The following ZRANB3 variants were observed in gnomAD, a reference collection of about 807,000 sequenced individuals.
The protein encoded by ZRANB3 is DNA annealing helicase and endonuclease ZRANB3.
In ZRANB3, 125 loss-of-function variants were observed where a neutral mutation model predicts 133.8. The observed-to-expected ratio is 0.93, with a 90% confidence interval of 0.81 to 1.08. The LOEUF (loss-of-function observed/expected upper bound fraction) is 1.08, where lower values mean the gene tolerates loss of function less well. ZRANB3 is among the 50% of genes least tolerant of loss of function. ZRANB3 has a pLI of 0.00. For missense variants in ZRANB3, 1,229 were observed against 1,275.5 expected (o/e 0.96, Z 0.56); for synonymous variants, 387 against 432.7 (o/e 0.89, Z 1.31).
At chr2:135,508,311 G>T (rs1693288390) in intron 1 of ZRANB3, among the ~76,000 whole-genome samples, 1 of 151,980 alleles carries the variant, frequency 6.6e-6, no homozygotes, top group African/African-American at 2.4e-5. Context: ...CTAATTTTTT[G>T]TATTTTTAGT....
chr2:135,389,777 G>A (rs958190223), intron 3 of ZRANB3, among the ~76,000 whole-genome samples: 5 of 151,984 alleles, frequency 3.3e-5, no homozygotes, highest in Admixed American at 3.3e-4. Flanking sequence ...TAATTAATTG[G>A]GAGAAGTTTT....
chr2:135,515,566 T>A (rs552268691), intron 1 of ZRANB3, among the ~76,000 whole-genome samples: 1 of 152,316 alleles, frequency 6.6e-6, no homozygotes, highest in Admixed American at 6.5e-5. Context: ...AGGAGCAGGT[T>A]GTTCAGTTTC....
Position 135,202,844 on chromosome 2 carries a change from G to C in ZRANB3, c.3129C>G (p.Val1043=), listed in dbSNP as rs939332357. 1.1e-5 allele frequency: 17 copies of C among 1,608,184 alleles called. No individual in the cohort carries two copies. The highest frequency in any genetic ancestry group is 1.4e-5 in the Non-Finnish European group (16 of 1,177,258). The change falls in exon 20 of 21, where the codon GTC becomes GTG. Residue 1043 remains valine (V), a synonymous_variant. Transcript: ENST00000264159. ...SLDNLQTLCT[V]CHKERTARQA... ...GAGCTTCACTGACCTCTTTGTGACA[G>C]ACTGTGCAGAGAGTCTGCAGGTTGT...
chr2:135,387,728 G>A (rs934116018), intron 3 of ZRANB3, among the ~76,000 whole-genome samples: 1 of 152,136 alleles, frequency 6.6e-6, no homozygotes, highest in Non-Finnish European at 1.5e-5. Flanking sequence ...TGGACAGGAA[G>A]GTGGAAGTTT....
intron 2 of ZRANB3, among the ~76,000 whole-genome samples, chr2:135,426,374 C>G (rs576320011): frequency 1.3e-5 from 2 of 151,968 alleles, no homozygotes; most frequent in African/African-American, 4.8e-5. Flanking sequence ...CTGGCAGAGC[C>G]ACAACAACAA....
intron 17 of ZRANB3, among the ~76,000 whole-genome samples, chr2:135,209,777 C>T (rs1011815093): frequency 2.6e-5 from 4 of 152,116 alleles, no homozygotes; most frequent in Middle Eastern, 6.8e-3. Context: ...ACATGAATTT[C>T]TTAATATTAT....
At chr2:135,365,491 T>G (rs532940693) in intron 3 of ZRANB3, among the ~76,000 whole-genome samples, 37 of 152,296 alleles carry the variant, frequency 2.4e-4, no homozygotes, top group African/African-American at 8.9e-4. Context: ...GAACAATAAC[T>G]TGCATCACTA....
chr2:135,400,256 AAAAT>A (rs148153663), intron 2 of ZRANB3, among the ~76,000 whole-genome samples: 7,786 of 151,804 alleles, frequency 0.051, 674 homozygotes, highest in African/African-American at 0.18. Context: ...AGTAATAATA[AAAAT>A]AAATAAATAA....
At chr2:135,522,068 CAGGGG>C (rs1693969489) in intron 1 of ZRANB3, among the ~76,000 whole-genome samples, 1 of 152,154 alleles carries the variant, frequency 6.6e-6, no homozygotes, top group African/African-American at 2.4e-5. Flanking sequence ...TCCCTTGAAG[CAGGGG>C]AGTATAATCA....
In ZRANB3 at chr2:135,224,529, G is replaced by C. The variant is rs766720801; in HGVS notation, c.2159-12C>G. ...ACTCTTCCACTGTTCTATTAAAGAA[G>C]ACAAAAGAGAACCTGAAGGCTTATC... On this transcript the variant is annotated splice_polypyrimidine_tract_variant and intron_variant, in intron 14 of 20. Transcript: ENST00000264159. 4 of 1,601,504 alleles carry C rather than the reference G, an allele frequency of 2.5e-6. No individual in the cohort carries two copies. Among genetic ancestry groups the C allele is most frequent in the Middle Eastern group, 3.3e-4 (2 of 6,056 alleles).
chr2:135,333,075 T>G (rs887677053), intron 6 of ZRANB3, among the ~76,000 whole-genome samples: 1 of 152,222 alleles, frequency 6.6e-6, no homozygotes. Flanking sequence ...ATTACAAATC[T>G]GCAGTTGCTG....
At chr2:135,342,022 G>A (rs1214778943) in intron 6 of ZRANB3, among the ~76,000 whole-genome samples, 1 of 149,894 alleles carries the variant, frequency 6.7e-6, no homozygotes, top group Non-Finnish European at 1.5e-5. Flanking sequence ...TATTGCCCTT[G>A]AAGCATGTGA....
intron 10 of ZRANB3, chr2:135,271,242 T>C: frequency 2.1e-6 from 1 of 465,724 alleles, no homozygotes; most frequent in Non-Finnish European, 4.5e-6. Context: ...ACTGTCTACA[T>C]AAGAGAATTA....
chr2:135,408,821 G>T (rs953052773), intron 2 of ZRANB3, among the ~76,000 whole-genome samples: 1 of 150,670 alleles, frequency 6.6e-6, no homozygotes, highest in African/African-American at 2.4e-5. Context: ...ACTGGGGCCT[G>T]TTGTGGGGTC....
intron 8 of ZRANB3, among the ~76,000 whole-genome samples, chr2:135,301,406 G>A (rs900743966): frequency 2.6e-5 from 4 of 151,968 alleles, no homozygotes; most frequent in Non-Finnish European, 4.4e-5. Flanking sequence ...GGTTCATCTA[G>A]AACTCCTGAC....
intron 6 of ZRANB3, among the ~76,000 whole-genome samples, chr2:135,329,340 GT>G (rs995809636): frequency 7.2e-5 from 11 of 152,164 alleles, no homozygotes; most frequent in African/African-American, 2.6e-4. Flanking sequence ...ATTTGTTTTT[GT>G]TGGGTTTGTC....
chr2:135,306,581 C>T (rs181758052), intron 8 of ZRANB3, among the ~76,000 whole-genome samples: 87 of 146,534 alleles, frequency 5.9e-4, no homozygotes, highest in Admixed American at 1.6e-3. Context: ...CATGAGCCAC[C>T]GCACCCGGCC....
chr2:135,346,757 T>C (rs1474149743), intron 5 of ZRANB3, among the ~76,000 whole-genome samples: 1 of 152,194 alleles, frequency 6.6e-6, no homozygotes, highest in African/African-American at 2.4e-5. Flanking sequence ...CTCACTGTTA[T>C]TTTAATATAT....
intron 2 of ZRANB3, among the ~76,000 whole-genome samples, chr2:135,425,720 A>G (rs2104974287): frequency 6.6e-6 from 1 of 152,314 alleles, no homozygotes; most frequent in Middle Eastern, 3.4e-3. Flanking sequence ...TTACAGTGCT[A>G]AACACCCACA....
Sources: allele counts gnomAD v4.1 joint callset (sites outside exome capture counted in the v4.1 genomes callset), GRCh38; gene constraint gnomAD v4.1.1; transcripts MANE v1.5; gene names NCBI Gene and HGNC (gene_info 2026-07-23, HGNC 2026-07-21).